The following INTS1 variants were observed in gnomAD, a reference collection of about 807,000 sequenced individuals.
INTS1 encodes the protein integrator complex subunit 1.
In INTS1, 137 loss-of-function variants were observed where a neutral mutation model predicts 241.6. That is an observed-to-expected ratio of 0.57 (90% CI 0.49 to 0.65). The LOEUF (loss-of-function observed/expected upper bound fraction) is 0.65, where lower values mean the gene tolerates loss of function less well. Ranked by LOEUF, INTS1 falls within the 30% of genes least tolerant of loss-of-function variation. INTS1 has a pLI of 0.00. For missense variants in INTS1, 3,073 were observed against 3,032.2 expected (o/e 1.01, Z -0.32); for synonymous variants, 1,692 against 1,337.8 (o/e 1.26, Z -5.78).
At chr7:1,476,683 C>T (rs1781740718) in intron 36 of INTS1, 26 bp from the exon 37 acceptor site, 1 of 1,612,310 alleles carries the variant, frequency 6.2e-7, no homozygotes, top group Non-Finnish European at 8.5e-7. Context: ...GGTTCCAGAG[C>T]ACGAGGTGTC....
At position 1,497,599 on chromosome 7, in the gene INTS1, A is replaced by G. The variant is rs1417848212; in HGVS notation, c.1426-285T>C. Among the ~76,000 whole-genome samples, 1 of 152,204 alleles carries G rather than the reference A, an allele frequency of 6.6e-6. No homozygotes were observed. Among genetic ancestry groups the G allele is most frequent in the African/African-American group, 2.4e-5 (1 of 41,454 alleles). On this transcript the variant is annotated intron_variant, in intron 10 of 47. Transcript: ENST00000404767. The surrounding 1 kb of genome is among the most constrained non-coding windows in gnomAD (Gnocchi z 5.3). ...GGGGGTGCGGGACACCAGGCGGCAA[A>G]GCCATAGAAGCGCGTGTGCCATCTC... is the stretch of plus-strand genomic sequence containing the variant.
At chr7:1,486,885 T>C (rs1583127562) in intron 21 of INTS1, 37 bp downstream of exon 21, 7 of 1,505,548 alleles carry the variant, frequency 4.6e-6, no homozygotes, top group Non-Finnish European at 6.2e-6. Flanking sequence ...GGGTGCGGGG[T>C]GAGAGGCGGG....
chr7:1,494,066 C>T (rs1471785013), intron 14 of INTS1, among the ~76,000 whole-genome samples, 155 bp from the exon 15 acceptor site: 2 of 152,210 alleles, frequency 1.3e-5, no homozygotes, highest in Admixed American at 1.3e-4. Flanking sequence ...ACCTGAGCCT[C>T]CCTTTGCAGG....
chr7:1,501,532 C>T (rs941230121), intron 3 of INTS1, among the ~76,000 whole-genome samples: 4 of 152,138 alleles, frequency 2.6e-5, no homozygotes, highest in African/African-American at 9.7e-5. Context: ...ATAAAGTGAT[C>T]TACCACTCAG....
chr7:1,498,087 G>A (rs1335771534), intron 10 of INTS1, among the ~76,000 whole-genome samples: 4 of 152,216 alleles, frequency 2.6e-5, no homozygotes, highest in African/African-American at 7.2e-5. Context: ...CCAAAGGCAG[G>A]AATGAGCTTG....
intron 3 of INTS1, among the ~76,000 whole-genome samples, chr7:1,502,147 C>A (rs930639777): frequency 2.0e-5 from 3 of 152,126 alleles, no homozygotes; most frequent in African/African-American, 7.2e-5. Context: ...GAACAGACAC[C>A]TCACTACCAA....
rs879454088 is a variant in INTS1, at chr7:1,471,228, A to C, written c.6256-4T>G. ...TCATCAGCCGCTGCAGGTTGGTCTG[A>C]CCGGGGGAAAGGTGGGAGGTGTGTG... On this transcript the variant is annotated splice_polypyrimidine_tract_variant and splice_region_variant and intron_variant, in intron 45 of 47. Transcript: ENST00000404767. The C allele has an allele frequency of 7.0e-6, 11 of 1,572,292 alleles. No homozygotes were observed. The highest frequency in any genetic ancestry group is 9.5e-6 in the Non-Finnish European group (11 of 1,160,270).
chr7:1,476,563 GAC>G lies in INTS1; in HGVS notation c.5151+5_5151+6del, dbSNP rs1484688576. Reference sequence around the variant, plus strand: ...TCTCCCGGATGGGCCACCCTCCCAAGACCTGCCTGCGGGGTGCGCTGGTCCCG... The same window carrying G: ...TCTCCCGGATGGGCCACCCTCCCAAGCTGCCTGCGGGGTGCGCTGGTCCCG... On this transcript the variant is annotated splice_donor_5th_base_variant and intron_variant, in intron 37 of 47. Coordinates refer to ENST00000404767, the MANE Select transcript of INTS1 (RefSeq NM_001080453.3). 2 of 1,303,652 alleles carry G rather than the reference GAC, an allele frequency of 1.5e-6. No homozygotes were observed. 80.8% of individuals were successfully genotyped at this position (1,303,652 alleles called of 1,614,324 possible). A position where few individuals can be genotyped will look rare whatever the true frequency, so the allele number is the denominator to read the frequency against.
In INTS1 at chr7:1,476,614, G is replaced by A; in HGVS notation, c.5107C>T (p.His1703Tyr). 1 of 1,612,618 alleles carries A rather than the reference G, an allele frequency of 6.2e-7. No homozygotes were observed. ...CGCCCCTGCCAGATGCGAGGAACAT[G>A]GATGCAGGCCCAGAGGAAGTCCAGA... ...ASLDFLWACIHVPRIWQGRDQ... is the reference protein window; with the variant it reads ...ASLDFLWACIYVPRIWQGRDQ... Residue 1703 changes from histidine (H) to tyrosine (Y), a missense_variant, in exon 37 of 48, where the codon CAT (histidine) becomes TAT (tyrosine). His to Tyr is a moderately conservative substitution (Grantham distance 83, BLOSUM62 2). Transcript: ENST00000404767.
rs946808454 is a variant in INTS1 at position 1,474,852 on chromosome 7, C to T, written c.5503-14G>A. On this transcript the variant is annotated splice_polypyrimidine_tract_variant and intron_variant, in intron 39 of 47. Transcript: ENST00000404767. ...GAGTCCGTCCAGCTGCAGGGAGGGG[C>T]GCTCTGAGGCCGGGGCCGCTGGCTC... 1.3e-5 allele frequency: 21 copies of T among 1,574,882 alleles called. No homozygotes were observed. The highest frequency in any genetic ancestry group is 1.8e-5 in the Admixed American group (1 of 55,118).
chr7:1,489,856 T>C (rs951315252), intron 16 of INTS1, among the ~76,000 whole-genome samples, 174 bp from the exon 17 acceptor site: 3 of 152,222 alleles, frequency 2.0e-5, no homozygotes, highest in Non-Finnish European at 2.9e-5. Flanking sequence ...CTGGGCTCCC[T>C]GTCCAGGCCC....
At chr7:1,480,291 A>G in intron 30 of INTS1, 26 bp downstream of exon 30, 1 of 1,584,492 alleles carries the variant, frequency 6.3e-7, no homozygotes. Flanking sequence ...CTGCAGGTGG[A>G]GACCCACATG....
In INTS1 at chr7:1,479,463, G is replaced by A; in HGVS notation, c.4296C>T (p.Ala1432=). The change falls in exon 31 of 48, where the codon GCC becomes GCT. Residue 1432 remains alanine, a synonymous_variant. Coordinates refer to ENST00000404767, the MANE Select transcript of INTS1 (RefSeq NM_001080453.3). ...VMSMHRSHFL[A]CPLLRQLCQY... is the part of the protein sequence containing the mutation. ...GGCAGAGCTGGCGCAGCAGCGGGCA[G>A]GCCAGGAAGTGGCTACGGTGCATGG... 6.3e-7 allele frequency: 1 copy of A among 1,579,404 alleles called. No homozygotes were observed. Among genetic ancestry groups the A allele is most frequent in the South Asian group, 1.2e-5 (1 of 85,920 alleles).
In INTS1 at chr7:1,499,964, T is replaced by G. The variant is rs1191585257; in HGVS notation, c.604A>C (p.Ser202Arg). The G allele has an allele frequency of 6.2e-7, 1 of 1,613,568 alleles. No homozygotes were observed. Among genetic ancestry groups the G allele is most frequent in the Non-Finnish European group, 8.5e-7 (1 of 1,179,870 alleles). Residue 202 changes from serine to arginine, a missense_variant, in exon 5 of 48, where the codon AGC becomes CGC. Transcript: ENST00000404767. ...ASINFKAKGNSLVSVLACNLL... is the reference protein window; with the variant it reads ...ASINFKAKGNRLVSVLACNLL... ...TTACAGGCCAGCACAGACACCAGGCTGTTCCCCTTGGCCTTGAAGTTGATG... is the reference window on the plus strand; with the variant it reads ...TTACAGGCCAGCACAGACACCAGGCGGTTCCCCTTGGCCTTGAAGTTGATG...
At chr7:1,496,961 A>T (rs1334601828) in intron 11 of INTS1, among the ~76,000 whole-genome samples, 177 bp downstream of exon 11, 1 of 152,118 alleles carries the variant, frequency 6.6e-6, no homozygotes, top group Non-Finnish European at 1.5e-5. Flanking sequence ...CTCACACAGG[A>T]CAGAGCCTAT....
rs1781396496 is a variant in INTS1 at position 1,470,341 on chromosome 7, G to A, written c.*236C>T. 6.3e-6 allele frequency: 3 copies of A among 476,962 alleles called. No homozygotes were observed. Among genetic ancestry groups the A allele is most frequent in the South Asian group, 3.8e-5 (1 of 26,544 alleles). The allele number at this position is 476,962 out of a possible 1,614,324, so 29.5% of individuals were successfully genotyped here. On this transcript the variant is annotated 3_prime_UTR_variant, in exon 48 of 48. Coordinates refer to ENST00000404767, the MANE Select transcript of INTS1 (RefSeq NM_001080453.3). ...TGCCCGGGGGGATCCGCCGCTCCGC[G>A]GCAGGGCTGTGGCCCAGAAGGTGAA...
At chr7:1,489,537 G>C (rs888023973) in intron 17 of INTS1, 54 bp downstream of exon 17, 2 of 1,524,696 alleles carry the variant, frequency 1.3e-6, no homozygotes, top group African/African-American at 2.7e-5. Context: ...TGCCCCAAAG[G>C]AATAAGGACC....
In INTS1 at chr7:1,477,688, T is replaced by C. The variant is rs1467467894; in HGVS notation, c.4815-15A>G. 9.4e-6 allele frequency: 15 copies of C among 1,599,084 alleles called. No homozygotes were observed. Among genetic ancestry groups the C allele is most frequent in the East Asian group, 4.5e-5 (2 of 44,502 alleles). On this transcript the variant is annotated splice_polypyrimidine_tract_variant and intron_variant, in intron 34 of 47. Transcript: ENST00000404767. ...CGGCCTCCAGGCTGCAGGGAGAAGG[T>C]GGCTCAGGGAAGGGCTGGTGCCACC...
chr7:1,471,028 C>T (rs561190996), intron 46 of INTS1, 73 bp from the exon 47 acceptor site: 6 of 1,512,678 alleles, frequency 4.0e-6, no homozygotes, highest in Non-Finnish European at 5.4e-6. Context: ...ACAGGGCGAG[C>T]TGAGCCGCCT....
Sources: gnomAD v4.1 joint callset for allele counts (sites outside exome capture counted in the v4.1 genomes callset) on GRCh38, gnomAD v4.1.1 for gene constraint, Gnocchi (gnomAD v3.1) non-coding constraint, MANE v1.5 for transcripts, NCBI Gene and HGNC (gene_info 2026-07-23, HGNC 2026-07-21) for gene names.